The following ZNF521 variants were observed in gnomAD, a reference collection of about 807,000 sequenced individuals.
ZNF521 encodes the protein zinc finger protein 521.
In ZNF521, 14 loss-of-function variants were observed where a neutral mutation model predicts 105.5. The ratio of observed to expected loss-of-function variants is 0.13; its 90% CI spans 0.09 to 0.21. The LOEUF (loss-of-function observed/expected upper bound fraction) is 0.21, where lower values mean the gene tolerates loss of function less well. Among genes scored for constraint, ZNF521 ranks in the 10% least tolerant of loss-of-function variants. The pLI is 1.00. For synonymous variants in ZNF521, 635 were observed against 606.0 expected (o/e 1.05, Z -0.70); for missense variants, 1,233 against 1,629.7 (o/e 0.76, Z 4.19).
chr18:25,279,850 T>C (rs1910256257), intron 3 of ZNF521, among the ~76,000 whole-genome samples: 1 of 152,190 alleles, frequency 6.6e-6, no homozygotes, highest in South Asian at 2.1e-4. Flanking sequence ...AGAATAAATG[T>C]AGGCAATGTT....
At chr18:25,265,370 A>G (rs8089765) in intron 3 of ZNF521, among the ~76,000 whole-genome samples, 1,581 of 152,326 alleles carry the variant, frequency 0.01, 30 homozygotes, top group African/African-American at 0.035. Context: ...TAGAATTACA[A>G]TAAATGAAGT....
chr18:25,325,370 A>C (rs1156387784), intron 2 of ZNF521, among the ~76,000 whole-genome samples: 1 of 152,124 alleles, frequency 6.6e-6, no homozygotes, highest in African/African-American at 2.4e-5. Flanking sequence ...GTCCTTTGAG[A>C]TCCAATCATA....
intron 5 of ZNF521, among the ~76,000 whole-genome samples, chr18:25,118,869 T>G (rs1403811117): frequency 6.6e-6 from 1 of 152,052 alleles, no homozygotes; most frequent in African/African-American, 2.4e-5. Context: ...TCCAACTATA[T>G]GATGTCTATA....
At chr18:25,136,308 T>G (rs893576681) in intron 5 of ZNF521, among the ~76,000 whole-genome samples, 1 of 152,170 alleles carries the variant, frequency 6.6e-6, no homozygotes, top group Admixed American at 6.5e-5. Flanking sequence ...GCTTTGGAGA[T>G]AGAGGAGTTT....
chr18:25,198,035 C>T (rs969332386), intron 4 of ZNF521, among the ~76,000 whole-genome samples: 2 of 151,820 alleles, frequency 1.3e-5, no homozygotes, highest in Non-Finnish European at 2.9e-5. Context: ...AGAAACAGAA[C>T]TTCCATTGTT....
At chr18:25,130,363 G>C (rs77484925) in intron 5 of ZNF521, among the ~76,000 whole-genome samples, 6,267 of 152,236 alleles carry the variant, frequency 0.041, 174 homozygotes, top group Non-Finnish European at 0.061. Context: ...TGAGTAGATA[G>C]AACAAAGAAA....
intron 3 of ZNF521, among the ~76,000 whole-genome samples, chr18:25,242,474 A>G (rs1907403365): frequency 1.3e-5 from 2 of 152,122 alleles, no homozygotes; most frequent in Admixed American, 1.3e-4. Context: ...TTCATGGCAT[A>G]TATATTTGCT....
intron 7 of ZNF521, among the ~76,000 whole-genome samples, chr18:25,080,006 T>C (rs1005069992): frequency 6.6e-6 from 1 of 152,176 alleles, no homozygotes; most frequent in Admixed American, 6.5e-5. Flanking sequence ...AGGAAGTCTT[T>C]TATGGGCGCT....
chr18:25,187,134 T>C (rs542985042), intron 5 of ZNF521, among the ~76,000 whole-genome samples: 2 of 152,194 alleles, frequency 1.3e-5, no homozygotes, highest in African/African-American at 4.8e-5. Context: ...ATGCCATTCA[T>C]CTTAAAGAAA....
intron 5 of ZNF521, among the ~76,000 whole-genome samples, chr18:25,171,850 G>A (rs1439219137): frequency 1.3e-5 from 2 of 152,058 alleles, no homozygotes; most frequent in Non-Finnish European, 2.9e-5. Flanking sequence ...GCATTCTCTG[G>A]CAGGGTAGAT....
intron 3 of ZNF521, among the ~76,000 whole-genome samples, chr18:25,314,195 CA>C (rs886473726): frequency 1.3e-5 from 2 of 149,674 alleles, no homozygotes; most frequent in African/African-American, 2.4e-5. Flanking sequence ...AGGAAAACAG[CA>C]AAAAAAAAGG....
chr18:25,074,597 C>T (rs985907386), intron 7 of ZNF521, among the ~76,000 whole-genome samples: 1 of 152,148 alleles, frequency 6.6e-6, no homozygotes. Context: ...ATTTCCTATT[C>T]TCTATTAAAC....
intron 5 of ZNF521, among the ~76,000 whole-genome samples, chr18:25,186,148 G>A (rs1473100717): frequency 6.6e-6 from 1 of 152,026 alleles, no homozygotes; most frequent in Non-Finnish European, 1.5e-5. Flanking sequence ...AATGTGTTAT[G>A]GGGAAAAAAA....
At chr18:25,298,057 G>C (rs1436055639) in intron 3 of ZNF521, among the ~76,000 whole-genome samples, 1 of 152,108 alleles carries the variant, frequency 6.6e-6, no homozygotes, top group Non-Finnish European at 1.5e-5. Flanking sequence ...TAGATGAAAA[G>C]GTGCCGATGT....
rs756717075 is a variant in ZNF521 at position 25,225,017 on chromosome 18, C to T, written c.2901G>A (p.Arg967=). The T allele has an allele frequency of 6.2e-7, 1 of 1,614,148 alleles. No individual in the cohort carries two copies. Among genetic ancestry groups the T allele is most frequent in the Middle Eastern group, 1.6e-4 (1 of 6,062 alleles). ...CAGTAAGAGTTAAAAGGGAGGGAAA[C>T]CGCTCTCCGCAAATAGGGCACATGT... ...KHYMCPICGE[R]FPSLLTLTEH... The change falls in exon 4 of 8, where the codon CGG becomes CGA. Residue 967 remains arginine (R), a synonymous_variant. Transcript: ENST00000361524. This position sits in a 1 kb window ranked among gnomAD's most constrained non-coding sequence, Gnocchi z 5.6.
intron 5 of ZNF521, among the ~76,000 whole-genome samples, chr18:25,129,457 G>C (rs1026589877): frequency 2.2e-4 from 34 of 151,746 alleles, no homozygotes; most frequent in Non-Finnish European, 4.4e-4. Flanking sequence ...CTAAAAGCAT[G>C]ATCCATGAAA....
chr18:25,319,333 C>T (rs1169319545), intron 3 of ZNF521, among the ~76,000 whole-genome samples: 1 of 152,136 alleles, frequency 6.6e-6, no homozygotes, highest in Non-Finnish European at 1.5e-5. Flanking sequence ...GTGGCTCATG[C>T]CTATAATCCC....
At chr18:25,095,125 T>C (rs929269651) in intron 5 of ZNF521, among the ~76,000 whole-genome samples, 4 of 152,134 alleles carry the variant, frequency 2.6e-5, no homozygotes, top group Non-Finnish European at 5.9e-5. Context: ...CCATCTCTTT[T>C]CAAAACTCTC....
At chr18:25,244,948 C>T (rs1270342620) in intron 3 of ZNF521, among the ~76,000 whole-genome samples, 1 of 152,196 alleles carries the variant, frequency 6.6e-6, no homozygotes, top group Non-Finnish European at 1.5e-5. Flanking sequence ...TGCACTGCTC[C>T]ATTGGAAAAT....
Sources: allele counts gnomAD v4.1 joint callset (sites outside exome capture counted in the v4.1 genomes callset), GRCh38; gene constraint gnomAD v4.1.1; non-coding constraint Gnocchi (gnomAD v3.1); transcripts MANE v1.5; gene names NCBI Gene and HGNC (gene_info 2026-07-23, HGNC 2026-07-21).